NFIX: variants seen among roughly 807,000 people sequenced by gnomAD.
NFIX encodes nuclear factor I X.
Under a neutral mutation model 53.3 loss-of-function variants are expected in NFIX, and 2 were observed. The observed-to-expected ratio is 0.04, with a 90% CI of 0.02 to 0.12. The LOEUF is 0.12. Ranked by LOEUF, NFIX falls within the 10% of genes least tolerant of loss-of-function variation. The pLI is 1.00. For missense variants in NFIX, 310 were observed against 674.5 expected (o/e 0.46, Z 5.99); for synonymous variants, 244 against 289.0 (o/e 0.84, Z 1.58).
intron 2 of NFIX, among the ~76,000 whole-genome samples, chr19:13,058,599 A>G (rs1003674677): frequency 6.6e-6 from 1 of 151,242 alleles, no homozygotes; most frequent in African/African-American, 2.4e-5. Context: ...TAGGAGAGCT[A>G]GGAGGGTCCT....
chr19:13,004,416 G>T (rs1377476790), intron 1 of NFIX, among the ~76,000 whole-genome samples: 1 of 152,072 alleles, frequency 6.6e-6, no homozygotes, highest in Non-Finnish European at 1.5e-5. Context: ...GCCAAACCCA[G>T]GCACAGTCGG....
intron 2 of NFIX, among the ~76,000 whole-genome samples, chr19:13,030,264 G>A (rs2013698392): frequency 6.6e-6 from 1 of 152,212 alleles, no homozygotes; most frequent in Admixed American, 6.5e-5. Context: ...AGGTGTCACT[G>A]TCATTCAAAG....
In NFIX at chr19:13,090,792, G is replaced by A. The variant is rs113628353; in HGVS notation, c.1494+402G>A. 0.076 allele frequency among the ~76,000 whole-genome samples: 11,523 copies of A among 152,264 alleles called. 560 individuals are homozygous for A. Among genetic ancestry groups the A allele is most frequent in the Non-Finnish European group, 0.12 (7,905 of 67,998 alleles). On this transcript the variant is annotated intron_variant, in intron 10 of 10. Transcript: ENST00000592199. This position sits in a 1 kb window ranked among gnomAD's most constrained non-coding sequence, Gnocchi z 6.6. ...CCCTAGCCCTCCCCTTTCCCCTGGCGTTGGGTGGGCTGGGTGACGGGTGGA... is the reference window on the plus strand; with the variant it reads ...CCCTAGCCCTCCCCTTTCCCCTGGCATTGGGTGGGCTGGGTGACGGGTGGA...
chr19:13,081,246 G>A lies in NFIX; in HGVS notation c.1079-434G>A, dbSNP rs140734078. Among the ~76,000 whole-genome samples, 42 of 152,108 alleles carry A rather than the reference G, an allele frequency of 2.8e-4. No individual in the cohort carries two copies. The highest frequency in any genetic ancestry group is 9.6e-4 in the African/African-American group (40 of 41,482). On this transcript the variant is annotated intron_variant, in intron 7 of 10. Coordinates refer to ENST00000592199, the MANE Select transcript of NFIX (RefSeq NM_001365902.3). The surrounding 1 kb of genome is among the most constrained non-coding windows in gnomAD (Gnocchi z 4.7). ...CATGAGCCCAGGAGGATTGCTTGCCGTGATCCGTGTTTGTGCCACTGCACT... is the reference window on the plus strand; with the variant it reads ...CATGAGCCCAGGAGGATTGCTTGCCATGATCCGTGTTTGTGCCACTGCACT...
At chr19:12,999,300 G>A (rs1318776602) in intron 1 of NFIX, among the ~76,000 whole-genome samples, 3 of 151,726 alleles carry the variant, frequency 2.0e-5, no homozygotes, top group African/African-American at 7.3e-5. Flanking sequence ...AGCTTCCCGA[G>A]TAGCTGGGAT....
rs2014918535 is a variant in NFIX, at chr19:13,045,361, G to A, written c.559+19809G>A. 6.6e-6 allele frequency among the ~76,000 whole-genome samples: 1 copy of A among 151,882 alleles called. No homozygotes were observed. On this transcript the variant is annotated intron_variant, in intron 2 of 10. Transcript: ENST00000592199. This position sits in a 1 kb window ranked among gnomAD's most constrained non-coding sequence, Gnocchi z 4.4. ...CCCTAGGGTATATTTGGTAGTGGCT[G>A]AAAACAGTTTTGGTTGTCACTACTT...
At position 13,081,684 on chromosome 19, in the gene NFIX, C is replaced by T. The variant is rs778094837; in HGVS notation, c.1083C>T (p.Ser361=). 6.2e-7 allele frequency: 1 copy of T among 1,612,048 alleles called. No individual in the cohort carries two copies. The highest frequency in any genetic ancestry group is 8.5e-7 in the Non-Finnish European group (1 of 1,178,502). ...LPVLAGVRPG[S]PRATASALHF... ...TCCCTGCCCACGTGCATGCAGGGAG[C>T]CCCCGGGCCACAGCATCAGCCCTGC... The change falls in exon 8 of 11, where the codon AGC becomes AGT. Residue 361 remains serine, a synonymous_variant. Coordinates refer to ENST00000592199, the MANE Select transcript of NFIX (RefSeq NM_001365902.3). This position sits in a 1 kb window ranked among gnomAD's most constrained non-coding sequence, Gnocchi z 4.7.
chr19:13,067,888 C>T lies in NFIX; in HGVS notation c.560-5159C>T, dbSNP rs1032898888. 6.6e-6 allele frequency among the ~76,000 whole-genome samples: 1 copy of T among 151,960 alleles called. No individual in the cohort carries two copies. The highest frequency in any genetic ancestry group is 1.5e-5 in the Non-Finnish European group (1 of 67,986). ...TGGGAGGCTGAGACGGGCGGATCAC[C>T]AGGTCAGGAGATCGAGACCATCCTG... On this transcript the variant is annotated intron_variant, in intron 2 of 10. Transcript: ENST00000592199. The surrounding 1 kb of genome is among the most constrained non-coding windows in gnomAD (Gnocchi z 4.2).
intron 2 of NFIX, among the ~76,000 whole-genome samples, chr19:13,050,075 G>C (rs1204642072): frequency 6.6e-6 from 1 of 152,158 alleles, no homozygotes; most frequent in African/African-American, 2.4e-5. Context: ...ATATACTTAG[G>C]AATTGCCCTG....
chr19:13,079,131 AG>A (rs1228115625), intron 7 of NFIX, among the ~76,000 whole-genome samples: 1 of 152,202 alleles, frequency 6.6e-6, no homozygotes, highest in East Asian at 1.9e-4. Flanking sequence ...CTCCTGGCTG[AG>A]CCCAGGCTCT....
Position 13,078,387 on chromosome 19 carries a change from C to G in NFIX, c.956-226C>G, listed in dbSNP as rs1417358498. On this transcript the variant is annotated intron_variant, in intron 6 of 10. Coordinates refer to ENST00000592199, the MANE Select transcript of NFIX (RefSeq NM_001365902.3). This position sits in a 1 kb window ranked among gnomAD's most constrained non-coding sequence, Gnocchi z 4.7. ...CCACATTACCCAGGGGCCTCGTTTT[C>G]CTCTCTGGTTAGAAGCACCCCTTGG... Among the ~76,000 whole-genome samples, 1 of 152,204 alleles carries G rather than the reference C, an allele frequency of 6.6e-6. No individual in the cohort carries two copies. Among genetic ancestry groups the G allele is most frequent in the Admixed American group, 6.5e-5 (1 of 15,286 alleles).
In NFIX at chr19:13,028,361, GGGCT is replaced by G. The variant is rs1394914301; in HGVS notation, c.559+2811_559+2814del. ...AAGACAGGGCTGAAGAGCCAGATCT[GGGCT>G]GAGCTGGGGGTCCTGGGTTTCATGA... On this transcript the variant is annotated intron_variant, in intron 2 of 10. Transcript: ENST00000592199. This position sits in a 1 kb window ranked among gnomAD's most constrained non-coding sequence, Gnocchi z 4.2. 2.0e-5 allele frequency among the ~76,000 whole-genome samples: 3 copies of G among 152,206 alleles called. No homozygotes were observed. Among genetic ancestry groups the G allele is most frequent in the Non-Finnish European group, 4.4e-5 (3 of 68,044 alleles).
chr19:13,048,709 A>T (rs920281398), intron 2 of NFIX, among the ~76,000 whole-genome samples: 1 of 151,736 alleles, frequency 6.6e-6, no homozygotes, highest in East Asian at 1.9e-4. Flanking sequence ...AAAATAAAAA[A>T]TAAAAAAATT....
chr19:13,084,368 C>T (rs1386122123), intron 8 of NFIX, among the ~76,000 whole-genome samples: 9 of 152,018 alleles, frequency 5.9e-5, no homozygotes, highest in Non-Finnish European at 1.2e-4. Context: ...CGCTTGAACC[C>T]GGGAGGCAGA....
At chr19:13,024,804 A>C in intron 1 of NFIX, 1 of 1,424,198 alleles carries the variant, frequency 7.0e-7, no homozygotes, top group South Asian at 1.2e-5. Context: ...CTGAGATGGG[A>C]GCAAGTGGCT....
Position 13,075,068 on chromosome 19 carries a change from T to TAAAAAAAAAA in NFIX, c.819-455_819-446dup, listed in dbSNP as rs57860606. Reference sequence around the variant, plus strand: ...CTGGGTGACAGAGCGAGACTCCATCTAAAAAAAAAAAAAAAAAAAAAGGAA... The same window carrying TAAAAAAAAAA: ...CTGGGTGACAGAGCGAGACTCCATCTAAAAAAAAAAAAAAAAAAAAAAAAAAAAAAAGGAA... On this transcript the variant is annotated intron_variant, in intron 5 of 10. Coordinates refer to ENST00000592199, the MANE Select transcript of NFIX (RefSeq NM_001365902.3). 5.3e-4 allele frequency among the ~76,000 whole-genome samples: 39 copies of TAAAAAAAAAA among 73,690 alleles called. 1 individual carries two copies. Among genetic ancestry groups the TAAAAAAAAAA allele is most frequent in the East Asian group, 3.6e-3 (7 of 1,936 alleles). The allele number at this position is 73,690 out of a possible 152,430, so 48.3% of individuals were successfully genotyped here. A position where few individuals can be genotyped will look rare whatever the true frequency, so the allele number is the denominator to read the frequency against.
rs917974980 is a variant in NFIX at position 13,051,008 on chromosome 19, C to T, written c.560-22039C>T. On this transcript the variant is annotated intron_variant, in intron 2 of 10. Transcript: ENST00000592199. The surrounding 1 kb of genome is among the most constrained non-coding windows in gnomAD (Gnocchi z 5.1). ...AGGCCCCAAAGCAGCCTCCAGGTCC[C>T]GGGAGAAAAGCATAGTTGCTACCCT... 5.3e-5 allele frequency among the ~76,000 whole-genome samples: 8 copies of T among 152,154 alleles called. No individual in the cohort carries two copies. The highest frequency in any genetic ancestry group is 3.9e-4 in the Admixed American group (6 of 15,282).
intron 2 of NFIX, among the ~76,000 whole-genome samples, chr19:13,061,400 G>A (rs1262728990): frequency 1.3e-5 from 2 of 152,244 alleles, no homozygotes; most frequent in Middle Eastern, 3.2e-3. Context: ...GGGTCCCAGT[G>A]GCCTGGGCCT....
Position 13,072,920 on chromosome 19 carries a change from G to T in NFIX, c.560-127G>T, listed in dbSNP as rs1382188438. ...TGGGGCTGGTTTGGGGAGAGGGTGG[G>T]GTGAAGGTTTCTGTAGCCAGGGTGG... On this transcript the variant is annotated intron_variant, in intron 2 of 10. Transcript: ENST00000592199. This position sits in a 1 kb window ranked among gnomAD's most constrained non-coding sequence, Gnocchi z 4.0. The T allele has an allele frequency of 4.5e-6, 4 of 889,378 alleles. No homozygotes were observed. The highest frequency in any genetic ancestry group is 7.6e-6 in the Non-Finnish European group (4 of 528,500). 55.1% of individuals were successfully genotyped at this position (889,378 alleles called of 1,614,324 possible).
Sources: gnomAD v4.1 joint callset for allele counts (sites outside exome capture counted in the v4.1 genomes callset) on GRCh38, gnomAD v4.1.1 for gene constraint, Gnocchi (gnomAD v3.1) non-coding constraint, MANE v1.5 for transcripts, NCBI Gene and HGNC (gene_info 2026-07-23, HGNC 2026-07-21) for gene names.